Variants in HTR1F observed in about 807,000 individuals in gnomAD.
HTR1F encodes the protein 5-hydroxytryptamine (serotonin) receptor 1F, G protein-coupled.
Under a neutral mutation model 24.0 loss-of-function variants are expected in HTR1F, and 17 were observed. The observed-to-expected ratio is 0.71, with a 90% CI of 0.48 to 1.06. The LOEUF is 1.06. Ranked by LOEUF, HTR1F falls within the 50% of genes least tolerant of loss-of-function variation. The pLI is 0.00. For synonymous variants in HTR1F, 186 were observed against 156.8 expected, an observed-to-expected ratio of 1.19 and a Z score of -1.39; for missense variants, 391 against 427.8, an observed-to-expected ratio of 0.91 and a Z score of 0.76.
chr3:87,838,076 A>T (rs1448671696), intron 2 of HTR1F, among the ~76,000 whole-genome samples: 6 of 152,140 alleles, frequency 3.9e-5, no homozygotes, highest in Non-Finnish European at 5.9e-5. Flanking sequence ...TCTTGAGAGA[A>T]ACCAGAGTCG....
At chr3:87,870,566 T>C (rs944245860) in intron 2 of HTR1F, among the ~76,000 whole-genome samples, 1 of 151,974 alleles carries the variant, frequency 6.6e-6, no homozygotes, top group South Asian at 2.1e-4. Flanking sequence ...ACAGCTTCTG[T>C]CTTGGGAGAG....
At chr3:87,843,629 T>C (rs1704860969) in intron 2 of HTR1F, among the ~76,000 whole-genome samples, 1 of 150,980 alleles carries the variant, frequency 6.6e-6, no homozygotes, top group African/African-American at 2.5e-5. Context: ...GCTGCACCCA[T>C]TAACTCATCA....
intron 2 of HTR1F, among the ~76,000 whole-genome samples, chr3:87,835,677 C>T (rs1326631982): frequency 6.6e-6 from 1 of 152,178 alleles, no homozygotes; most frequent in Non-Finnish European, 1.5e-5. Context: ...TCGTAAAAGA[C>T]TAAATGTCAT....
chr3:87,934,004 AG>A (rs1704350866), intron 2 of HTR1F, among the ~76,000 whole-genome samples: 1 of 152,162 alleles, frequency 6.6e-6, no homozygotes, highest in Non-Finnish European at 1.5e-5. Context: ...CAGCTTTTCC[AG>A]TCCCTGGGAA....
chr3:87,954,683 G>T (rs1263023100), intron 2 of HTR1F, among the ~76,000 whole-genome samples: 3 of 151,554 alleles, frequency 2.0e-5, no homozygotes, highest in Non-Finnish European at 3.0e-5. Flanking sequence ...GTTACTGAAA[G>T]CCACGAAGAT....
In HTR1F at chr3:87,903,108, T is replaced by G. The variant is rs1312529464; in HGVS notation, c.-43+80984T>G. Among the ~76,000 whole-genome samples, 3 of 152,154 alleles carry G rather than the reference T, an allele frequency of 2.0e-5. No individual in the cohort carries two copies. The East Asian group carries it at 5.8e-4, about 29-fold the overall frequency. On this transcript the variant is annotated intron_variant, in intron 2 of 2. Transcript: ENST00000319595. ...TGAAACTGGATCCCTTCCTTACACC[T>G]TATACAAAAACTAACTCAAGATGGA...
intron 2 of HTR1F, among the ~76,000 whole-genome samples, chr3:87,831,642 G>C (rs961044996): frequency 6.6e-6 from 1 of 152,054 alleles, no homozygotes; most frequent in Non-Finnish European, 1.5e-5. Flanking sequence ...GATTACAGGC[G>C]TGAGCCACTG....
At chr3:87,902,801 A>G (rs1706358124) in intron 2 of HTR1F, among the ~76,000 whole-genome samples, 2 of 127,734 alleles carry the variant, frequency 1.6e-5, no homozygotes, top group Admixed American at 1.0e-4. Context: ...TCCTGTGTCC[A>G]TGTGTTCTCA....
At chr3:87,858,561 G>T (rs1705249736) in intron 2 of HTR1F, among the ~76,000 whole-genome samples, 1 of 152,054 alleles carries the variant, frequency 6.6e-6, no homozygotes, top group South Asian at 2.1e-4. Context: ...TATTTTGGGG[G>T]ACTAAAGTAC....
intron 2 of HTR1F, among the ~76,000 whole-genome samples, chr3:87,867,387 C>CT (rs988208171): frequency 1.1e-4 from 17 of 151,594 alleles, no homozygotes; most frequent in Admixed American, 4.6e-4. Context: ...TATATTTTCT[C>CT]TTTTTTTCAC....
intron 2 of HTR1F, among the ~76,000 whole-genome samples, chr3:87,825,312 A>G (rs190085947): frequency 2.0e-4 from 30 of 152,264 alleles, no homozygotes; most frequent in Non-Finnish European, 4.0e-4. Flanking sequence ...ATAGCCCTTT[A>G]TATTGTAGTT....
intron 2 of HTR1F, among the ~76,000 whole-genome samples, chr3:87,907,423 G>T (rs12497845): frequency 0.089 from 13,474 of 150,692 alleles, 646 homozygotes; most frequent in African/African-American, 0.12. Context: ...CTGGATATTA[G>T]TCCGTTGTTG....
chr3:87,991,700 T>C lies in HTR1F; in HGVS notation c.951T>C (p.Asn317=), dbSNP rs1243660161. 5 of 1,613,950 alleles carry C rather than the reference T, an allele frequency of 3.1e-6. No individual in the cohort carries two copies. Among genetic ancestry groups the C allele is most frequent in the Middle Eastern group, 3.3e-4 (2 of 6,060 alleles). Residue 317 remains asparagine (N), a synonymous_variant, in exon 3 of 3, where the codon AAT becomes AAC. Coordinates refer to ENST00000319595, the MANE Select transcript of HTR1F (RefSeq NM_001322209.2). Reference sequence around the variant, plus strand: ...TTTTTGTAAAAGAATTAGTTGTTAATGTCTGTGACAAATGTAAAATTTCTG... The same window carrying C: ...TTTTTGTAAAAGAATTAGTTGTTAACGTCTGTGACAAATGTAAAATTTCTG... ...LPFFVKELVV[N]VCDKCKISEE...
Position 87,953,352 on chromosome 3 carries a change from C to CA in HTR1F, c.-42-37345dup, listed in dbSNP as rs36096688. Among the ~76,000 whole-genome samples, 229 of 144,258 alleles carry CA rather than the reference C, an allele frequency of 1.6e-3. 1 individual carries two copies. Among genetic ancestry groups the CA allele is most frequent in the East Asian group, 3.5e-3 (17 of 4,826 alleles). 94.6% of individuals were successfully genotyped at this position (144,258 alleles called of 152,430 possible). Reference sequence around the variant, plus strand: ...AAATATAAAGAACTCGATTTAACGGCAAAAAAAAAAAGAAAAGAAAATAGT... The same window carrying CA: ...AAATATAAAGAACTCGATTTAACGGCAAAAAAAAAAAAGAAAAGAAAATAGT... On this transcript the variant is annotated intron_variant, in intron 2 of 2. Coordinates refer to ENST00000319595, the MANE Select transcript of HTR1F (RefSeq NM_001322209.2).
rs1229716114 is a variant in HTR1F, at chr3:87,854,251, C to T, written c.-43+32127C>T. ...TAAAAGAATTACAGTTTTAGGACTC[C>T]TTTCTCTTTTTTTATATTTTTGATT... On this transcript the variant is annotated intron_variant, in intron 2 of 2. Transcript: ENST00000319595. 4.0e-5 allele frequency among the ~76,000 whole-genome samples: 6 copies of T among 151,770 alleles called. No individual in the cohort carries two copies. The East Asian group carries it at 1.2e-3, about 29-fold the overall frequency.
chr3:87,887,881 C>G (rs1705989787), intron 2 of HTR1F, among the ~76,000 whole-genome samples: 2 of 150,574 alleles, frequency 1.3e-5, no homozygotes, highest in Admixed American at 1.3e-4. Context: ...GGACTGTAAA[C>G]TAGTTCAACC....
chr3:87,916,274 C>A (rs1703889519), intron 2 of HTR1F, among the ~76,000 whole-genome samples: 1 of 139,884 alleles, frequency 7.1e-6, no homozygotes, highest in Non-Finnish European at 1.5e-5. Context: ...TCACACAGGA[C>A]CTATAAAACA....
intron 2 of HTR1F, among the ~76,000 whole-genome samples, chr3:87,889,466 C>T (rs777100262): frequency 3.9e-5 from 6 of 152,102 alleles, no homozygotes; most frequent in African/African-American, 7.2e-5. Context: ...GTTTCTAAAA[C>T]ACAAAAGATC....
intron 2 of HTR1F, among the ~76,000 whole-genome samples, chr3:87,827,192 T>C (rs1432875356): frequency 6.6e-6 from 1 of 151,876 alleles, no homozygotes; most frequent in Non-Finnish European, 1.5e-5. Context: ...CATAGGTATA[T>C]GTGTGCCATG....
Sources: allele counts gnomAD v4.1 joint callset (sites outside exome capture counted in the v4.1 genomes callset), GRCh38; gene constraint gnomAD v4.1.1; transcripts MANE v1.5; gene names NCBI Gene and HGNC (gene_info 2026-07-23, HGNC 2026-07-21).